The following PRUNE1 variants were observed in gnomAD, a reference collection of about 807,000 sequenced individuals.
The protein encoded by PRUNE1 is prune exopolyphosphatase 1.
Under a neutral mutation model 42.5 loss-of-function variants are expected in PRUNE1, and 25 were observed. The observed-to-expected ratio is 0.59, with a 90% CI of 0.43 to 0.82. PRUNE1 has a LOEUF of 0.82. Ranked by LOEUF, PRUNE1 falls within the 40% of genes least tolerant of loss-of-function variation. PRUNE1 has a pLI of 0.00. For synonymous variants in PRUNE1, 203 were observed against 217.1 expected, an observed-to-expected ratio of 0.93 and a Z score of 0.57; for missense variants, 443 against 539.3, an observed-to-expected ratio of 0.82 and a Z score of 1.77.
At chr1:151,027,781 T>TGTGTGTGTGTGC (rs764369341) in intron 6 of PRUNE1, among the ~76,000 whole-genome samples, 40 of 142,602 alleles carry the variant, frequency 2.8e-4, no homozygotes, top group African/African-American at 1.0e-3. Flanking sequence ...TGTGTGTGTG[T>TGTGTGTGTGTGC]GCGCGCGCGT....
chr1:151,029,647 G>A (rs587698899), intron 7 of PRUNE1, among the ~76,000 whole-genome samples: 90 of 151,608 alleles, frequency 5.9e-4, no homozygotes, highest in African/African-American at 2.0e-3. Flanking sequence ...GATTACAGGC[G>A]TGAGCCACCG....
At chr1:151,018,783 C>T (rs2102910833) in intron 3 of PRUNE1, 114 bp downstream of exon 3, 1 of 984,438 alleles carries the variant, frequency 1.0e-6, no homozygotes, top group East Asian at 2.6e-5. Context: ...TGGCTCATGC[C>T]TGTAATCCCA....
chr1:151,008,501 G>C lies in PRUNE1; in HGVS notation c.-132G>C. 7.7e-7 allele frequency: 1 copy of C among 1,300,290 alleles called. No individual in the cohort carries two copies. Among genetic ancestry groups the C allele is most frequent in the South Asian group, 1.2e-5 (1 of 81,974 alleles). 80.5% of individuals were successfully genotyped at this position (1,300,290 alleles called of 1,614,324 possible). ...CGGAGGCCGATTCGCCGTGTGGCGG[G>C]TTCGAGTCCCGCCTCCTGACTCTGG... is the stretch of plus-strand genomic sequence containing the variant. On this transcript the variant is annotated 5_prime_UTR_variant, in exon 1 of 8. Transcript: ENST00000271620.
intron 7 of PRUNE1, among the ~76,000 whole-genome samples, chr1:151,032,189 G>A (rs1675279784): frequency 6.6e-6 from 1 of 150,980 alleles, no homozygotes; most frequent in African/African-American, 2.4e-5. Context: ...AGGTTGCAGT[G>A]AGCTAAGATC....
chr1:151,026,934 G>A (rs1423934237), intron 5 of PRUNE1, among the ~76,000 whole-genome samples: 23 of 147,480 alleles, frequency 1.6e-4, no homozygotes, highest in Admixed American at 1.2e-3. Context: ...ACAAGTGCCC[G>A]CCACCACACC....
At chr1:151,012,332 T>A (rs1052235747) in intron 1 of PRUNE1, among the ~76,000 whole-genome samples, 1 of 152,180 alleles carries the variant, frequency 6.6e-6, no homozygotes, top group African/African-American at 2.4e-5. Context: ...TGATGTCTTA[T>A]AAGTTGGGCA....
chr1:151,025,663 T>A lies in PRUNE1; in HGVS notation c.669T>A (p.Phe223Leu). 6.2e-7 allele frequency: 1 copy of A among 1,613,516 alleles called. No individual in the cohort carries two copies. Among genetic ancestry groups the A allele is most frequent in the Non-Finnish European group, 8.5e-7 (1 of 1,179,680 alleles). The change falls in exon 5 of 8, where the codon TTT (phenylalanine) becomes TTA (leucine). Residue 223 changes from phenylalanine to leucine, a missense_variant. Transcript: ENST00000271620. ...TTGATTCCCTACAAAAGGCAAAGTT[T>A]GATGTATCAGGTATGAAATGTTAGC... ...DIFDSLQKAKFDVSGLTTEQM... is the reference protein window; with the variant it reads ...DIFDSLQKAKLDVSGLTTEQM...
In PRUNE1 at chr1:151,020,289, A is replaced by G. The variant is rs587605696; in HGVS notation, c.335+1620A>G. ...AACATAGTGTGACCTTGTCTCTACT[A>G]AAAATAAAAAAATTTGCCAGGTGTG... is the stretch of plus-strand genomic sequence containing the variant. On this transcript the variant is annotated intron_variant, in intron 3 of 7. Transcript: ENST00000271620. Among the ~76,000 whole-genome samples, 422 of 151,796 alleles carry G rather than the reference A, an allele frequency of 2.8e-3. 1 individual carries two copies. Among genetic ancestry groups the G allele is most frequent in the Non-Finnish European group, 3.9e-3 (267 of 67,874 alleles).
chr1:151,033,669 C>T (rs1218606781), intron 7 of PRUNE1, 137 bp from the exon 8 acceptor site: 8 of 768,018 alleles, frequency 1.0e-5, no homozygotes, highest in Admixed American at 5.5e-5. Context: ...GGATTGCAAG[C>T]GTGAGCCACC....
At chr1:151,018,696 C>T in intron 3 of PRUNE1, 27 bp downstream of exon 3, 4 of 1,590,924 alleles carry the variant, frequency 2.5e-6, no homozygotes, top group Non-Finnish European at 3.4e-6. Context: ...TAAATTGCTA[C>T]CTATCATGTA....
chr1:151,022,474 A>G (rs1171494986), intron 3 of PRUNE1, among the ~76,000 whole-genome samples: 4 of 144,846 alleles, frequency 2.8e-5, no homozygotes, highest in Non-Finnish European at 4.5e-5. Flanking sequence ...GCTGGAGTGC[A>G]CTGGCGCGAT....
intron 1 of PRUNE1, among the ~76,000 whole-genome samples, chr1:151,012,113 A>T (rs796358745): frequency 1.4e-4 from 21 of 152,228 alleles, no homozygotes; most frequent in African/African-American, 5.1e-4. Flanking sequence ...AAAAGAAAAA[A>T]AGTTTGTATT....
Position 151,033,845 on chromosome 1 carries a change from A to T in PRUNE1, c.973A>T (p.Lys325Ter). 1 of 1,613,920 alleles carries T rather than the reference A, an allele frequency of 6.2e-7. No homozygotes were observed. The highest frequency in any genetic ancestry group is 8.5e-7 in the Non-Finnish European group (1 of 1,179,936). The change falls in exon 8 of 8, where the codon AAG becomes TAG. Residue 325 changes from lysine to a stop codon, truncating the protein, a stop_gained. Transcript: ENST00000271620. LOFTEE classifies it high-confidence loss of function. ...GGAACGCTCCCACTCTCCACCCCTG[A>T]AGCTGACCCCTGCCTCAAGTACCCA... is the stretch of plus-strand genomic sequence containing the variant. ...VLERSHSPPL[K>*]LTPASSTHPN...
chr1:151,024,743 C>A lies in PRUNE1; in HGVS notation c.468C>A (p.Ile156=), dbSNP rs1361145058. The change falls in exon 4 of 8, where the codon ATC becomes ATA. Residue 156 remains isoleucine (I), a synonymous_variant. Coordinates refer to ENST00000271620, the MANE Select transcript of PRUNE1 (RefSeq NM_021222.3). ...GSCATLVTER[I]LQGAPEILDR... The stretch of plus-strand genomic sequence containing the variant: ...GTGCTACCCTGGTGACCGAGAGAAT[C>A]CTGCAGGGGGCACCAGAGATCTTGG... The A allele has an allele frequency of 6.2e-7, 1 of 1,613,942 alleles. No homozygotes were observed. Among genetic ancestry groups the A allele is most frequent in the African/African-American group, 1.3e-5 (1 of 74,902 alleles).
At chr1:151,018,062 A>G (rs995824834) in intron 2 of PRUNE1, among the ~76,000 whole-genome samples, 158 bp downstream of exon 2, 1 of 152,136 alleles carries the variant, frequency 6.6e-6, no homozygotes, top group African/African-American at 2.4e-5. Flanking sequence ...AACTAAAATG[A>G]TATTTTGCAG....
At chr1:151,026,400 G>C (rs1674840508) in intron 5 of PRUNE1, among the ~76,000 whole-genome samples, 1 of 151,990 alleles carries the variant, frequency 6.6e-6, no homozygotes, top group African/African-American at 2.4e-5. Context: ...GGAGGTTGCA[G>C]TGAGCCGAGA....
chr1:151,010,521 C>T (rs1386211220), intron 1 of PRUNE1, among the ~76,000 whole-genome samples: 1 of 152,058 alleles, frequency 6.6e-6, no homozygotes, highest in South Asian at 2.1e-4. Context: ...AACTTGTGAA[C>T]TTGTGAAAGG....
chr1:151,024,915 C>A, intron 4 of PRUNE1, 120 bp downstream of exon 4: 1 of 1,047,926 alleles, frequency 9.5e-7, no homozygotes, highest in Non-Finnish European at 1.4e-6. Context: ...TCAGCTCATA[C>A]CAAAAGATAG....
intron 1 of PRUNE1, among the ~76,000 whole-genome samples, chr1:151,014,794 G>C (rs587613516): frequency 6.6e-6 from 1 of 152,206 alleles, no homozygotes; most frequent in Admixed American, 6.5e-5. Context: ...CAAGTCTGGA[G>C]ACATTTTTGT....
Sources: gnomAD v4.1 joint callset for allele counts (sites outside exome capture counted in the v4.1 genomes callset) on GRCh38, gnomAD v4.1.1 for gene constraint, MANE v1.5 for transcripts, NCBI Gene and HGNC (gene_info 2026-07-23, HGNC 2026-07-21) for gene names.